Variants in IGF1R observed in about 807,000 individuals in gnomAD.
IGF1R encodes the protein insulin like growth factor 1 receptor.
In IGF1R, 44 loss-of-function variants were observed where a neutral mutation model predicts 144.6. The observed-to-expected ratio is 0.30, with a 90% confidence interval of 0.24 to 0.39. The LOEUF (loss-of-function observed/expected upper bound fraction) is 0.39, where lower values mean the gene tolerates loss of function less well. IGF1R is among the 10% of genes least tolerant of loss of function. The pLI, the probability that IGF1R is intolerant of heterozygous loss-of-function variation, is 1.00. For missense variants in IGF1R, 1,355 were observed against 1,833.7 expected (o/e 0.74, Z 4.77); for synonymous variants, 795 against 722.8 (o/e 1.10, Z -1.60).
intron 2 of IGF1R, among the ~76,000 whole-genome samples, chr15:98,838,019 C>T (rs77389985): frequency 7.9e-5 from 12 of 152,290 alleles, no homozygotes; most frequent in South Asian, 4.1e-4. Context: ...ATCATTTTCA[C>T]GGCCTGAGAG....
At chr15:98,725,543 A>G (rs2054338434) in intron 2 of IGF1R, among the ~76,000 whole-genome samples, 1 of 152,114 alleles carries the variant, frequency 6.6e-6, no homozygotes, top group African/African-American at 2.4e-5. Flanking sequence ...GACCCAACCC[A>G]TGCATGCCGG....
At chr15:98,788,062 C>CTG (rs59500414) in intron 2 of IGF1R, among the ~76,000 whole-genome samples, 3 of 131,032 alleles carry the variant, frequency 2.3e-5, no homozygotes, top group East Asian at 2.3e-4. Context: ...CTCTCTCTCT[C>CTG]TGTGTGTGTG....
At chr15:98,956,183 G>A (rs773703204) in intron 20 of IGF1R, among the ~76,000 whole-genome samples, 1 of 152,258 alleles carries the variant, frequency 6.6e-6, no homozygotes, top group Non-Finnish European at 1.5e-5. Flanking sequence ...GCCACAGCCG[G>A]CAGGACTCCC....
At position 98,707,502 on chromosome 15, in the gene IGF1R, A is replaced by C; in HGVS notation, c.95-60A>C. ...GAAAACCAACTGTATTATTGTTTGGAAAATAGTTTAAAAATTATTTCCTTC... is the reference window on the plus strand; with the variant it reads ...GAAAACCAACTGTATTATTGTTTGGCAAATAGTTTAAAAATTATTTCCTTC... On this transcript the variant is annotated intron_variant, in intron 1 of 20. Coordinates refer to ENST00000650285, the MANE Select transcript of IGF1R (RefSeq NM_000875.5). This position sits in a 1 kb window ranked among gnomAD's most constrained non-coding sequence, Gnocchi z 6.7. 2.0e-6 allele frequency: 3 copies of C among 1,507,490 alleles called. No homozygotes were observed. Among genetic ancestry groups the C allele is most frequent in the African/African-American group, 2.8e-5 (2 of 72,406 alleles). The allele number at this position is 1,507,490 out of a possible 1,614,324, so 93.4% of individuals were successfully genotyped here. A position where few individuals can be genotyped will look rare whatever the true frequency, so the allele number is the denominator to read the frequency against.
At chr15:98,800,240 C>T (rs888431628) in intron 2 of IGF1R, among the ~76,000 whole-genome samples, 2 of 151,662 alleles carry the variant, frequency 1.3e-5, no homozygotes, top group Non-Finnish European at 2.9e-5. Flanking sequence ...GCGAGGGAGA[C>T]AGTGCTTCAT....
At position 98,957,410 on chromosome 15, in the gene IGF1R, G is replaced by A. The variant is rs771590506; in HGVS notation, c.4072G>A (p.Ala1358Thr). 3.7e-6 allele frequency: 6 copies of A among 1,613,254 alleles called. No individual in the cohort carries two copies. The South Asian group carries it at 5.5e-5, about 15-fold the overall frequency. ...GAACGGGGGCCGCAAGAACGAGCGG[G>A]CCTTGCCGCTGCCCCAGTCTTCGAC... ...HMNGGRKNERALPLPQSSTC is the reference protein window; with the variant it reads ...HMNGGRKNERTLPLPQSSTC Residue 1358 changes from alanine to threonine, a missense_variant, in exon 21 of 21, where the codon GCC (alanine) becomes ACC (threonine). Ala to Thr is a moderately conservative substitution (Grantham distance 58). Around this residue, in one of 7 missense-constraint regions of IGF1R, gnomAD observed 219 missense variants for 188.8 expected, o/e 1.16. Transcript: ENST00000650285.
chr15:98,704,496 C>T lies in IGF1R; in HGVS notation c.95-3066C>T, dbSNP rs1386261276. On this transcript the variant is annotated intron_variant, in intron 1 of 20. Coordinates refer to ENST00000650285, the MANE Select transcript of IGF1R (RefSeq NM_000875.5). The surrounding 1 kb of genome is among the most constrained non-coding windows in gnomAD (Gnocchi z 4.9). ...GGGACAGGGACGGACCGTGAGGAGG[C>T]TGGATCATGGGGAATGTGTTGCTTT... Among the ~76,000 whole-genome samples, 1 of 152,066 alleles carries T rather than the reference C, an allele frequency of 6.6e-6. No individual in the cohort carries two copies.
At chr15:98,769,270 A>AT (rs2055522910) in intron 2 of IGF1R, among the ~76,000 whole-genome samples, 1 of 152,158 alleles carries the variant, frequency 6.6e-6, no homozygotes, top group Admixed American at 6.5e-5. Flanking sequence ...AGGGATAGGC[A>AT]TTGTGTTTTG....
chr15:98,667,309 A>G (rs1249451906), intron 1 of IGF1R, among the ~76,000 whole-genome samples: 1 of 152,154 alleles, frequency 6.6e-6, no homozygotes, highest in Non-Finnish European at 1.5e-5. Context: ...GATTATGATT[A>G]TACTGGAAGT....
At chr15:98,842,738 T>G (rs761627347) in intron 2 of IGF1R, among the ~76,000 whole-genome samples, 16 of 152,180 alleles carry the variant, frequency 1.1e-4, no homozygotes, top group Non-Finnish European at 2.1e-4. Flanking sequence ...AAAGAACAAT[T>G]TTGACAAGAA....
chr15:98,818,464 C>G (rs1480186117), intron 2 of IGF1R, among the ~76,000 whole-genome samples: 1 of 151,942 alleles, frequency 6.6e-6, no homozygotes, highest in Non-Finnish European at 1.5e-5. Flanking sequence ...AGGGAGACCG[C>G]TTAGGAAGCT....
intron 5 of IGF1R, chr15:98,900,535 A>G (rs2014429045): frequency 6.6e-6 from 1 of 152,244 alleles, no homozygotes; most frequent in Non-Finnish European, 1.5e-5. Flanking sequence ...TGTTTTTCTC[A>G]GACTAACTCT....
In IGF1R at chr15:98,958,889, G is replaced by A. The variant is rs2017116860; in HGVS notation, c.*1447G>A. 1 of 233,394 alleles carries A rather than the reference G, an allele frequency of 4.3e-6. No homozygotes were observed. The highest frequency in any genetic ancestry group is 8.5e-6 in the Non-Finnish European group (1 of 117,986). 14.5% of individuals were successfully genotyped at this position (233,394 alleles called of 1,614,324 possible). On this transcript the variant is annotated 3_prime_UTR_variant, in exon 21 of 21. Coordinates refer to ENST00000650285, the MANE Select transcript of IGF1R (RefSeq NM_000875.5). ...ATCACATAATTTGCCATGAACTGTT[G>A]GATGCCTTTTTATAAATACATCCCC...
At chr15:98,787,393 T>G (rs79849502) in intron 2 of IGF1R, among the ~76,000 whole-genome samples, 5 of 152,200 alleles carry the variant, frequency 3.3e-5, no homozygotes, top group Non-Finnish European at 7.4e-5. Flanking sequence ...CACCTTAAAT[T>G]ATGAAACTTT....
intron 1 of IGF1R, among the ~76,000 whole-genome samples, chr15:98,693,311 G>T (rs1435865189): frequency 1.3e-5 from 2 of 152,204 alleles, no homozygotes; most frequent in Non-Finnish European, 2.9e-5. Context: ...TCCATGTAGA[G>T]GGGCAAGATT....
chr15:98,888,183 T>C (rs2013732243), intron 2 of IGF1R, among the ~76,000 whole-genome samples: 1 of 152,222 alleles, frequency 6.6e-6, no homozygotes. Context: ...TGTCGTCCGT[T>C]CCCTGGGGAC....
intron 15 of IGF1R, among the ~76,000 whole-genome samples, chr15:98,934,328 C>G (rs2016060656): frequency 6.6e-6 from 1 of 152,128 alleles, no homozygotes; most frequent in African/African-American, 2.4e-5. Flanking sequence ...ATATGTGACT[C>G]TGGCCTTTTT....
At chr15:98,741,126 CTT>C (rs1352319755) in intron 2 of IGF1R, among the ~76,000 whole-genome samples, 2 of 151,268 alleles carry the variant, frequency 1.3e-5, no homozygotes, top group Non-Finnish European at 2.9e-5. Flanking sequence ...GAATGACTCT[CTT>C]GGGTAAATTA....
chr15:98,779,535 G>A (rs1430134365), intron 2 of IGF1R, among the ~76,000 whole-genome samples: 1 of 152,192 alleles, frequency 6.6e-6, no homozygotes, highest in African/African-American at 2.4e-5. Context: ...AAGTTGCTCA[G>A]GTTACACCGT....
Sources: allele counts gnomAD v4.1 joint callset (sites outside exome capture counted in the v4.1 genomes callset), GRCh38; gene constraint gnomAD v4.1.1; regional missense constraint gnomAD v4.1.1; non-coding constraint Gnocchi (gnomAD v3.1); transcripts MANE v1.5; gene names NCBI Gene and HGNC (gene_info 2026-07-23, HGNC 2026-07-21).